Variants in FOXP1 observed in about 807,000 individuals in gnomAD.
FOXP1 encodes the protein forkhead box P1.
In FOXP1, 15 loss-of-function variants were observed where a neutral mutation model predicts 98.2. That is an observed-to-expected ratio of 0.15 (90% CI 0.10 to 0.24). The LOEUF (loss-of-function observed/expected upper bound fraction) is 0.24. FOXP1 is among the 10% of genes least tolerant of loss of function. The probability of loss-of-function intolerance (pLI) is 1.00; values close to 1 mark genes in which losing one functional copy is unlikely to be tolerated. For synonymous variants in FOXP1, 371 were observed against 314.5 expected (o/e 1.18, Z -1.90); for missense variants, 633 against 848.5 (o/e 0.75, Z 3.15).
chr3:71,153,549 A>G (rs2060677041), intron 6 of FOXP1, among the ~76,000 whole-genome samples: 1 of 151,256 alleles, frequency 6.6e-6, no homozygotes, highest in South Asian at 2.1e-4. Context: ...GCTTGAGAAA[A>G]AAAAAAAAAA....
chr3:71,578,890 G>T (rs1413341152), intron 2 of FOXP1, among the ~76,000 whole-genome samples: 1 of 152,032 alleles, frequency 6.6e-6, no homozygotes, highest in Admixed American at 6.6e-5. Context: ...AAGTATAAAT[G>T]GTTTAACTAG....
intron 7 of FOXP1, among the ~76,000 whole-genome samples, chr3:71,074,665 A>G (rs1389236617): frequency 1.3e-5 from 2 of 152,244 alleles, no homozygotes; most frequent in African/African-American, 4.8e-5. Context: ...GGAAGAACAA[A>G]GAGGCTGGTT....
intron 6 of FOXP1, among the ~76,000 whole-genome samples, chr3:71,126,855 GAA>G (rs757099344): frequency 3.9e-5 from 4 of 103,838 alleles, no homozygotes; most frequent in African/African-American, 1.6e-4. Flanking sequence ...AAACCAAAAA[GAA>G]AAAAAAAAAC....
chr3:71,182,500 A>ATGTGTGTGTG (rs201090847), intron 6 of FOXP1, among the ~76,000 whole-genome samples: 103 of 138,528 alleles, frequency 7.4e-4, no homozygotes, highest in African/African-American at 2.4e-3. Flanking sequence ...TAAACTATAT[A>ATGTGTGTGTG]TATGTGTGTG....
At chr3:71,386,732 A>T (rs1243280761) in intron 3 of FOXP1, among the ~76,000 whole-genome samples, 1 of 98,940 alleles carries the variant, frequency 1.0e-5, no homozygotes, top group Non-Finnish European at 1.9e-5. Flanking sequence ...ACAAAGCAAG[A>T]TTCCGTCTCA....
At chr3:70,964,049 C>G (rs2034197107) in intron 20 of FOXP1, among the ~76,000 whole-genome samples, 1 of 152,176 alleles carries the variant, frequency 6.6e-6, no homozygotes, top group Non-Finnish European at 1.5e-5. Flanking sequence ...CTTGTCACTA[C>G]AGAATTCTCT....
In FOXP1 at chr3:71,022,364, A is replaced by G. The variant is rs532619514; in HGVS notation, c.870-6711T>C. ...CAAAAGAATTTATAGTTAAAATTAT[A>G]TAACAACTTTTGAAATTACATTAAG... is the stretch of plus-strand genomic sequence containing the variant. On this transcript the variant is annotated intron_variant, in intron 11 of 20. Transcript: ENST00000649528. Among the ~76,000 whole-genome samples, 13 of 152,360 alleles carry G rather than the reference A, an allele frequency of 8.5e-5. 1 individual carries two copies. The South Asian group carries it at 2.1e-3, about 24-fold the overall frequency.
At chr3:71,533,004 T>C (rs2043982067) in intron 2 of FOXP1, among the ~76,000 whole-genome samples, 2 of 152,248 alleles carry the variant, frequency 1.3e-5, no homozygotes, top group African/African-American at 2.4e-5. Context: ...ATCTTGCTCC[T>C]GCAATCAGAA....
chr3:71,310,150 A>G (rs1047272794), intron 4 of FOXP1, among the ~76,000 whole-genome samples: 1 of 152,214 alleles, frequency 6.6e-6, no homozygotes, highest in Non-Finnish European at 1.5e-5. Context: ...ATCAGAATCT[A>G]TTATTTTCCC....
rs372765119 is a variant in FOXP1, at chr3:70,987,994, G to T, written c.1146C>A (p.Pro382=). 2 of 1,613,852 alleles carry T rather than the reference G, an allele frequency of 1.2e-6. No individual in the cohort carries two copies. The highest frequency in any genetic ancestry group is 4.5e-5 in the East Asian group (2 of 44,878). The stretch of plus-strand genomic sequence containing the variant: ...CCCCTTGGTGGGGATCAATACTTAC[G>T]GGCTGAGGGGCGGCTTTGGGTTCTG... The part of the protein sequence containing the change: ...KSTEPKAAPQ[P]LNLVSSVTLS... The change falls in exon 14 of 21, where the codon CCC becomes CCA. Residue 382 remains proline, a splice_region_variant and synonymous_variant. Coordinates refer to ENST00000649528, the MANE Select transcript of FOXP1 (RefSeq NM_001349338.3).
At chr3:71,478,292 T>C (rs2090010248) in intron 3 of FOXP1, among the ~76,000 whole-genome samples, 1 of 152,200 alleles carries the variant, frequency 6.6e-6, no homozygotes, top group African/African-American at 2.4e-5. Context: ...TTATGTAAAG[T>C]ATTCATTATA....
intron 2 of FOXP1, among the ~76,000 whole-genome samples, chr3:71,557,212 G>C (rs1423654131): frequency 6.6e-6 from 1 of 152,080 alleles, no homozygotes; most frequent in Admixed American, 6.5e-5. Flanking sequence ...TTTCTGAACT[G>C]GGAAATGACT....
At chr3:71,125,550 T>C (rs1335618391) in intron 6 of FOXP1, among the ~76,000 whole-genome samples, 1 of 152,178 alleles carries the variant, frequency 6.6e-6, no homozygotes, top group African/African-American at 2.4e-5. Context: ...ATTGGTTTGG[T>C]TGAGGAATTA....
At chr3:70,969,190 T>C (rs1012476394) in intron 19 of FOXP1, 1 of 151,928 alleles carries the variant, frequency 6.6e-6, no homozygotes, top group Non-Finnish European at 1.5e-5. Flanking sequence ...CTATTCCATA[T>C]TCCAGATAGA....
At chr3:71,568,034 A>AAGGGG (rs1178049966) in intron 2 of FOXP1, 8 of 99,390 alleles carry the variant, frequency 8.0e-5, no homozygotes, top group Middle Eastern at 7.0e-3. Context: ...GAAAGGAGGG[A>AAGGGG]AGGGGAGGGG....
At chr3:71,512,042 G>A (rs1321455393) in intron 2 of FOXP1, among the ~76,000 whole-genome samples, 2 of 152,170 alleles carry the variant, frequency 1.3e-5, no homozygotes, top group Admixed American at 6.5e-5. Context: ...CCTTGACATA[G>A]ATTTTCCCAT....
At chr3:71,355,885 G>A (rs927808662) in intron 4 of FOXP1, among the ~76,000 whole-genome samples, 2 of 152,120 alleles carry the variant, frequency 1.3e-5, no homozygotes, top group South Asian at 2.1e-4. Flanking sequence ...TCACGTGGTT[G>A]GCACTGTTTT....
chr3:71,458,558 T>C (rs933371906), intron 3 of FOXP1, among the ~76,000 whole-genome samples: 4 of 152,214 alleles, frequency 2.6e-5, no homozygotes, highest in African/African-American at 9.6e-5. Flanking sequence ...TTTACTCTGA[T>C]TTGCAAAATA....
chr3:71,059,385 C>T (rs763488115), intron 7 of FOXP1, among the ~76,000 whole-genome samples: 22 of 152,190 alleles, frequency 1.4e-4, no homozygotes, highest in Non-Finnish European at 2.8e-4. Flanking sequence ...CTGCTCTCCT[C>T]TAACATTTCC....
Sources: allele counts gnomAD v4.1 joint callset (sites outside exome capture counted in the v4.1 genomes callset), GRCh38; gene constraint gnomAD v4.1.1; transcripts MANE v1.5; gene names NCBI Gene and HGNC (gene_info 2026-07-23, HGNC 2026-07-21).